TIMM44: variants seen among roughly 807,000 people sequenced by gnomAD.
TIMM44 encodes translocase of inner mitochondrial membrane 44, also known as mitochondrial import inner membrane translocase subunit TIM44.
In TIMM44, 37 loss-of-function variants were observed where a neutral mutation model predicts 63.8. That is an observed-to-expected ratio of 0.58 (90% CI 0.45 to 0.76). The LOEUF (loss-of-function observed/expected upper bound fraction) is 0.76, where lower values mean the gene tolerates loss of function less well. Ranked by LOEUF, TIMM44 falls within the 30% of genes least tolerant of loss-of-function variation. TIMM44 has a pLI of 0.00. For missense variants in TIMM44, 573 were observed against 603.8 expected (o/e 0.95, Z 0.54); for synonymous variants, 239 against 245.1 (o/e 0.98, Z 0.23).
At chr19:7,938,975 C>G (rs903178785) in intron 2 of TIMM44, among the ~76,000 whole-genome samples, 2 of 151,272 alleles carry the variant, frequency 1.3e-5, no homozygotes, top group African/African-American at 4.9e-5. Context: ...AAAGGCAAAA[C>G]TAAGGGGACA....
Position 7,927,312 on chromosome 19 carries a change from G to A in TIMM44, c.1240-6C>T, listed in dbSNP as rs1468792362. The stretch of plus-strand genomic sequence containing the variant: ...AGCATCCGCAGCACCTTGTCCTGCA[G>A]GGTGGGGTGGGAAGGGCACTGTTGA... On this transcript the variant is annotated splice_region_variant and splice_polypyrimidine_tract_variant and intron_variant, in intron 12 of 12. Transcript: ENST00000270538. The A allele has an allele frequency of 6.2e-7, 1 of 1,610,024 alleles. No homozygotes were observed. Among genetic ancestry groups the A allele is most frequent in the South Asian group, 1.1e-5 (1 of 91,008 alleles).
rs766510463 is a variant in TIMM44 at position 7,928,084 on chromosome 19, T to C, written c.1121A>G (p.Asn374Ser). The C allele has an allele frequency of 6.8e-6, 11 of 1,613,754 alleles. No individual in the cohort carries two copies. Among genetic ancestry groups the C allele is most frequent in the South Asian group, 4.4e-5 (4 of 91,046 alleles). Residue 374 changes from asparagine to serine, a missense_variant, in exon 11 of 13, where the codon AAC becomes AGC. Asn to Ser is a conservative substitution (Grantham distance 46). Transcript: ENST00000270538. ...QFHSRILDID[N>S]VDLAMGKMME... ...CCACTGCGAGGTGCTTACGTCGACG[T>C]TGTCAATGTCTAGGATGCGAGAATG...
At position 7,933,481 on chromosome 19, in the gene TIMM44, T is replaced by G. The variant is rs1387418227; in HGVS notation, c.769+4A>C. ...CACCTGCCCTCCAAGACACCTTCAC[T>G]CACGGTTAAACACCACGTTGTTCTC... is the stretch of plus-strand genomic sequence containing the variant. On this transcript the variant is annotated splice_donor_region_variant and intron_variant, in intron 7 of 12. Transcript: ENST00000270538. The surrounding 1 kb of genome is among the most constrained non-coding windows in gnomAD (Gnocchi z 4.3). The G allele has an allele frequency of 1.9e-6, 3 of 1,613,882 alleles. No individual in the cohort carries two copies. The highest frequency in any genetic ancestry group is 2.5e-6 in the Non-Finnish European group (3 of 1,179,786).
Position 7,943,575 on chromosome 19 carries a change from G to T in TIMM44, c.45+32C>A. Reference sequence around the variant, plus strand: ...GGCCGAAGGCCCAGAAGACCCCTAAGCTCGCCCTGCCAGCGCCGCACCGCC... The same window carrying T: ...GGCCGAAGGCCCAGAAGACCCCTAATCTCGCCCTGCCAGCGCCGCACCGCC... On this transcript the variant is annotated intron_variant, in intron 1 of 12. Transcript: ENST00000270538. This position sits in a 1 kb window ranked among gnomAD's most constrained non-coding sequence, Gnocchi z 4.3. 6.4e-7 allele frequency: 1 copy of T among 1,562,946 alleles called. No homozygotes were observed.
rs1983823439 is a variant in TIMM44 at position 7,926,981 on chromosome 19, G to A, written c.*206C>T. On this transcript the variant is annotated 3_prime_UTR_variant, in exon 13 of 13. Coordinates refer to ENST00000270538, the MANE Select transcript of TIMM44 (RefSeq NM_006351.4). The stretch of plus-strand genomic sequence containing the variant: ...GGGCAGAGCAACAGGGCAGGGGTTG[G>A]CCCTGCGGGGGAGTGTCTCCAGCTG... 1.5e-5 allele frequency: 10 copies of A among 672,228 alleles called. No individual in the cohort carries two copies. The South Asian group carries it at 1.7e-4, about 12-fold the overall frequency. The allele number at this position is 672,228 out of a possible 1,614,324, so 41.6% of individuals were successfully genotyped here. A position where few individuals can be genotyped will look rare whatever the true frequency, so the allele number is the denominator to read the frequency against.
chr19:7,929,719 C>T lies in TIMM44; in HGVS notation c.1038+1419G>A, dbSNP rs1983925758. 2.6e-5 allele frequency among the ~76,000 whole-genome samples: 4 copies of T among 151,914 alleles called. No individual in the cohort carries two copies. In the South Asian group the frequency reaches 8.3e-4, roughly 32 times the overall value. On this transcript the variant is annotated intron_variant, in intron 10 of 12. Transcript: ENST00000270538. ...CCCCCAGTCATGTGGGAGACCCACA[C>T]TGTCCCTGACCCCCGGCCCCAGCCT...
chr19:7,932,563 G>T (rs1295004387), intron 9 of TIMM44, 64 bp downstream of exon 9: 6 of 1,574,694 alleles, frequency 3.8e-6, no homozygotes, highest in Non-Finnish European at 4.3e-6. Context: ...TGCCGGCTGC[G>T]GCGGGGGAGG....
At position 7,933,052 on chromosome 19, in the gene TIMM44, G is replaced by C. The variant is rs1349160211; in HGVS notation, c.770-120C>G. 6 of 803,948 alleles carry C rather than the reference G, an allele frequency of 7.5e-6. No homozygotes were observed. Among genetic ancestry groups the C allele is most frequent in the Non-Finnish European group, 1.1e-5 (5 of 476,104 alleles). The allele number at this position is 803,948 out of a possible 1,614,324, so 49.8% of individuals were successfully genotyped here. A position where few individuals can be genotyped will look rare whatever the true frequency, so the allele number is the denominator to read the frequency against. ...ATCCACCCTGACACGGGTGGGGTCA[G>C]GGAGGGGACGGCTGTGGACCTGCAT... On this transcript the variant is annotated intron_variant, in intron 7 of 12. Transcript: ENST00000270538. The surrounding 1 kb of genome is among the most constrained non-coding windows in gnomAD (Gnocchi z 4.3).
intron 3 of TIMM44, among the ~76,000 whole-genome samples, chr19:7,936,705 C>T (rs758579067): frequency 6.6e-6 from 1 of 152,092 alleles, no homozygotes; most frequent in Non-Finnish European, 1.5e-5. Context: ...CAGTGGCTCA[C>T]ACCTGTAATC....
chr19:7,928,691 G>A (rs1195324268), intron 10 of TIMM44: 3 of 152,406 alleles, frequency 2.0e-5, no homozygotes, highest in Admixed American at 6.5e-5. Context: ...AACCATGAGA[G>A]AAAAGATGTT....
rs938429592 is a variant in TIMM44, at chr19:7,935,051, C to T, written c.393+14G>A. 8 of 1,609,110 alleles carry T rather than the reference C, an allele frequency of 5.0e-6. No individual in the cohort carries two copies. Among genetic ancestry groups the T allele is most frequent in the South Asian group, 1.1e-5 (1 of 90,296 alleles). ...GATGGCCCCAGCGGCTCCAGGCGGG[C>T]GTGGAACTGTTACCTCCTTCACGGT... On this transcript the variant is annotated intron_variant, in intron 4 of 12. Transcript: ENST00000270538.
intron 1 of TIMM44, among the ~76,000 whole-genome samples, chr19:7,942,208 G>A (rs189930682): frequency 2.6e-5 from 4 of 152,236 alleles, no homozygotes; most frequent in Admixed American, 2.0e-4. Flanking sequence ...TTAGCCGGGC[G>A]TGGTGGCACA....
rs1984081271 is a variant in TIMM44 at position 7,934,384 on chromosome 19, G to A, written c.394-146C>T. On this transcript the variant is annotated intron_variant, in intron 4 of 12. Transcript: ENST00000270538. The surrounding 1 kb of genome is among the most constrained non-coding windows in gnomAD (Gnocchi z 5.3). ...GCCTTCTGTGCTCCTGTGGTACGCG[G>A]CACCCCCAGAGCCATGAGCACAACG... 1.8e-6 allele frequency: 2 copies of A among 1,082,962 alleles called. No homozygotes were observed. The highest frequency in any genetic ancestry group is 2.7e-6 in the Non-Finnish European group (2 of 735,746). 67.1% of individuals were successfully genotyped at this position (1,082,962 alleles called of 1,614,324 possible).
intron 2 of TIMM44, among the ~76,000 whole-genome samples, chr19:7,940,467 C>T (rs1454506584): frequency 6.6e-6 from 1 of 151,760 alleles, no homozygotes; most frequent in Non-Finnish European, 1.5e-5. Flanking sequence ...GGGAAAGAGT[C>T]ACAGGTCCTG....
At chr19:7,939,966 C>A (rs1045116271) in intron 2 of TIMM44, among the ~76,000 whole-genome samples, 1 of 151,878 alleles carries the variant, frequency 6.6e-6, no homozygotes, top group African/African-American at 2.4e-5. Context: ...TCCAATCAGG[C>A]GGAAGGGGCC....
Position 7,931,201 on chromosome 19 carries a change from G to T in TIMM44, c.988-13C>A. ...CAGAAATCATGGCCTAAAAAGGAAG[G>T]GAAAATAAGCACCAGAACGAGAGTG... On this transcript the variant is annotated splice_polypyrimidine_tract_variant and intron_variant, in intron 9 of 12. Transcript: ENST00000270538. The T allele has an allele frequency of 6.2e-7, 1 of 1,613,590 alleles. No homozygotes were observed. The highest frequency in any genetic ancestry group is 8.5e-7 in the Non-Finnish European group (1 of 1,179,526).
At position 7,932,841 on chromosome 19, in the gene TIMM44, C is replaced by T. The variant is rs750175091; in HGVS notation, c.861G>A (p.Leu287=). 6.2e-7 allele frequency: 1 copy of T among 1,614,070 alleles called. No individual in the cohort carries two copies. The change falls in exon 8 of 13, where the codon CTG becomes CTA. Residue 287 remains leucine (L), a splice_region_variant and synonymous_variant. Transcript: ENST00000270538. The stretch of plus-strand genomic sequence containing the variant: ...GAGGTCCAGGGATGACTCACTCACC[C>T]AGCAAGTCGGTGACCTTGTCCGTAA... ...RALTDKVTDL[L]GGLFSKTEMS...
intron 9 of TIMM44, 105 bp from the exon 10 acceptor site, chr19:7,931,293 A>G (rs1402814349): frequency 9.3e-7 from 1 of 1,079,772 alleles, no homozygotes; most frequent in Non-Finnish European, 1.4e-6. Flanking sequence ...GAGTTTCCTC[A>G]GACACCCCCG....
chr19:7,932,651 G>A lies in TIMM44; in HGVS notation c.963C>T (p.Asn321=), dbSNP rs142577891. The A allele has an allele frequency of 1.4e-5, 22 of 1,613,922 alleles. No homozygotes were observed. Among genetic ancestry groups the A allele is most frequent in the South Asian group, 3.3e-5 (3 of 91,086 alleles). The change falls in exon 9 of 13, where the codon AAC becomes AAT. Residue 321 remains asparagine, a synonymous_variant. Coordinates refer to ENST00000270538, the MANE Select transcript of TIMM44 (RefSeq NM_006351.4). ...CCTCCAGGACATTGGGGATGATGTC[G>A]TTCTCGCACTGTTTCAGAAACCGGT... is the stretch of plus-strand genomic sequence containing the variant. ...DKDRFLKQCE[N]DIIPNVLEAM... is the part of the protein sequence containing the mutation.
Sources: allele counts gnomAD v4.1 joint callset (sites outside exome capture counted in the v4.1 genomes callset), GRCh38; gene constraint gnomAD v4.1.1; non-coding constraint Gnocchi (gnomAD v3.1); transcripts MANE v1.5; gene names NCBI Gene and HGNC (gene_info 2026-07-23, HGNC 2026-07-21).